The following APBB1IP variants were observed in gnomAD, a reference collection of about 807,000 sequenced individuals.
APBB1IP encodes the protein amyloid beta A4 precursor protein-binding family B member 1-interacting protein.
In APBB1IP, 27 loss-of-function variants were observed where a neutral mutation model predicts 64.9. The observed-to-expected ratio is 0.42, with a 90% CI of 0.31 to 0.57. The LOEUF is 0.57. Ranked by LOEUF, APBB1IP falls within the 20% of genes least tolerant of loss-of-function variation. The pLI is 0.20. For synonymous variants in APBB1IP, 392 were observed against 331.0 expected, an observed-to-expected ratio of 1.18 and a Z score of -2.00; for missense variants, 812 against 845.5, an observed-to-expected ratio of 0.96 and a Z score of 0.49.
chr10:26,495,713 G>C (rs1392809778), intron 3 of APBB1IP, among the ~76,000 whole-genome samples: 1 of 150,916 alleles, frequency 6.6e-6, no homozygotes, highest in African/African-American at 2.4e-5. Flanking sequence ...TTGTGGCCAA[G>C]TGGATGTACT....
rs1206713686 is a variant in APBB1IP at position 26,567,301 on chromosome 10, C to G, written c.1814C>G (p.Pro605Arg). The G allele has an allele frequency of 4.7e-6, 5 of 1,065,188 alleles. No individual in the cohort carries two copies. Among genetic ancestry groups the G allele is most frequent in the South Asian group, 3.9e-5 (1 of 25,356 alleles). 66.0% of individuals were successfully genotyped at this position (1,065,188 alleles called of 1,614,324 possible). ...GAGCTGCCCCCGCCGCCGCCGCCGCCGCCCGCGCCCGCGCCCGCCCCCGTC... is the reference window on the plus strand; with the variant it reads ...GAGCTGCCCCCGCCGCCGCCGCCGCGGCCCGCGCCCGCGCCCGCCCCCGTC... ...GSELPPPPPP[P>R]PAPAPAPVPD... The change falls in exon 15 of 15, where the codon CCG becomes CGG. Residue 605 changes from proline (P) to arginine (R), a missense_variant. Pro to Arg is a moderately radical substitution (Grantham distance 103, BLOSUM62 -2). This residue lies in a region of APBB1IP where 381 missense variants were observed against 352.1 expected (regional missense o/e 1.08). Coordinates refer to ENST00000376236, the MANE Select transcript of APBB1IP (RefSeq NM_019043.4).
chr10:26,557,297 C>A (rs1396617670), intron 11 of APBB1IP, among the ~76,000 whole-genome samples: 1 of 152,186 alleles, frequency 6.6e-6, no homozygotes, highest in Non-Finnish European at 1.5e-5. Context: ...CAGCAACATT[C>A]AGGAGCCTGA....
Position 26,500,981 on chromosome 10 carries a change from C to A in APBB1IP, c.323C>A (p.Ala108Asp). The A allele has an allele frequency of 3.7e-6, 6 of 1,614,166 alleles. No individual in the cohort carries two copies. Among genetic ancestry groups the A allele is most frequent in the South Asian group, 1.1e-5 (1 of 91,078 alleles). The change falls in exon 5 of 15, where the codon GCC becomes GAC. Residue 108 changes from alanine to aspartate, a missense_variant. Ala to Asp is a moderately radical substitution (Grantham distance 126, BLOSUM62 -2). Coordinates refer to ENST00000376236, the MANE Select transcript of APBB1IP (RefSeq NM_019043.4). ...SLQASIFSGA[A>D]SLGYGTNVAA... ...CAAGCATCAATTTTCAGTGGTGCAGCCTCTCTTGGTTATGGAACAAATGTT... is the reference window on the plus strand; with the variant it reads ...CAAGCATCAATTTTCAGTGGTGCAGACTCTCTTGGTTATGGAACAAATGTT...
chr10:26,484,125 T>C (rs1044180896), intron 2 of APBB1IP, among the ~76,000 whole-genome samples: 1 of 152,054 alleles, frequency 6.6e-6, no homozygotes, highest in Non-Finnish European at 1.5e-5. Context: ...GAAAGCAGGG[T>C]TTTGACAGAT....
chr10:26,467,188 G>A (rs1442097049), intron 2 of APBB1IP, among the ~76,000 whole-genome samples: 1 of 152,102 alleles, frequency 6.6e-6, no homozygotes, highest in African/African-American at 2.4e-5. Context: ...TTACAGGCGT[G>A]AGCCACCGTG....
chr10:26,471,182 C>A (rs1229958178), intron 2 of APBB1IP, among the ~76,000 whole-genome samples: 1 of 152,104 alleles, frequency 6.6e-6, no homozygotes, highest in Non-Finnish European at 1.5e-5. Flanking sequence ...TCTGTCCTTG[C>A]CTCTGGACAA....
chr10:26,484,197 C>T (rs781234338), intron 2 of APBB1IP, among the ~76,000 whole-genome samples: 1 of 152,014 alleles, frequency 6.6e-6, no homozygotes, highest in Non-Finnish European at 1.5e-5. Flanking sequence ...TTGCTGCCAC[C>T]GAAAACATCA....
At chr10:26,488,195 C>A (rs1041768529) in intron 2 of APBB1IP, among the ~76,000 whole-genome samples, 3 of 151,958 alleles carry the variant, frequency 2.0e-5, no homozygotes, top group Non-Finnish European at 4.4e-5. Flanking sequence ...ATTTGTGAAA[C>A]CATGGAGATA....
At chr10:26,446,798 T>C (rs1835403234) in intron 2 of APBB1IP, among the ~76,000 whole-genome samples, 1 of 151,980 alleles carries the variant, frequency 6.6e-6, no homozygotes. Flanking sequence ...TGCTTGAGGC[T>C]GCAGTGAACT....
intron 11 of APBB1IP, among the ~76,000 whole-genome samples, chr10:26,544,788 A>G (rs1836740061): frequency 6.6e-6 from 1 of 152,198 alleles, no homozygotes; most frequent in Non-Finnish European, 1.5e-5. Flanking sequence ...TCTGACCTAG[A>G]ACATGAGGTT....
At chr10:26,460,611 T>C (rs1057337601) in intron 2 of APBB1IP, among the ~76,000 whole-genome samples, 5 of 152,292 alleles carry the variant, frequency 3.3e-5, no homozygotes, top group African/African-American at 1.2e-4. Flanking sequence ...CATGGAATAC[T>C]ATGCAGCCAT....
rs1180181037 is a variant in APBB1IP at position 26,501,129 on chromosome 10, G to C, written c.453+18G>C. 3 of 1,614,078 alleles carry C rather than the reference G, an allele frequency of 1.9e-6. No homozygotes were observed. The highest frequency in any genetic ancestry group is 8.5e-7 in the Non-Finnish European group (1 of 1,179,962). On this transcript the variant is annotated intron_variant, in intron 5 of 14. Coordinates refer to ENST00000376236, the MANE Select transcript of APBB1IP (RefSeq NM_019043.4). ...TCTCTCAGGTAAGTATGTGGGACCA[G>C]AGATGGCAGGACCATCAACCTCTGC...
At chr10:26,448,699 T>C (rs75636291) in intron 2 of APBB1IP, among the ~76,000 whole-genome samples, 1,682 of 152,318 alleles carry the variant, frequency 0.011, 12 homozygotes, top group Non-Finnish European at 0.017. Context: ...TGCCCTCTAG[T>C]AACAAAACAA....
chr10:26,440,191 C>T (rs779272596), intron 2 of APBB1IP, among the ~76,000 whole-genome samples: 1 of 152,272 alleles, frequency 6.6e-6, no homozygotes, highest in South Asian at 2.1e-4. Context: ...TATATCTCCC[C>T]CATCTAGATA....
At chr10:26,470,442 G>A (rs1444284634) in intron 2 of APBB1IP, among the ~76,000 whole-genome samples, 1 of 152,160 alleles carries the variant, frequency 6.6e-6, no homozygotes, top group African/African-American at 2.4e-5. Context: ...GGGAGGCTGA[G>A]GCAGGAGAAT....
Position 26,567,382 on chromosome 10 carries a change from A to G in APBB1IP, c.1895A>G (p.Lys632Arg), listed in dbSNP as rs1410537889. 2 of 1,582,084 alleles carry G rather than the reference A, an allele frequency of 1.3e-6. No individual in the cohort carries two copies. The highest frequency in any genetic ancestry group is 1.7e-6 in the Non-Finnish European group (2 of 1,160,718). ...GCCAAGAGGCCTCCTGTGCCCCCCA[A>G]GAGGCAAGAGAACCCAGGGCACCCC... ...AVAKRPPVPP[K>R]RQENPGHPGG... is the part of the protein sequence containing the mutation. Residue 632 changes from lysine (K) to arginine (R), a missense_variant, in exon 15 of 15, where the codon AAG becomes AGG. Around this residue, in one of 3 missense-constraint regions of APBB1IP, gnomAD observed 381 missense variants for 352.1 expected, o/e 1.08. Transcript: ENST00000376236.
intron 11 of APBB1IP, among the ~76,000 whole-genome samples, chr10:26,553,246 C>G (rs1836855217): frequency 6.6e-6 from 1 of 151,912 alleles, no homozygotes; most frequent in South Asian, 2.1e-4. Flanking sequence ...GGTCTCGAAC[C>G]CCTGACCTCA....
chr10:26,567,614 T>A lies in APBB1IP; in HGVS notation c.*126T>A. 6 of 1,437,466 alleles carry A rather than the reference T, an allele frequency of 4.2e-6. No individual in the cohort carries two copies. The highest frequency in any genetic ancestry group is 5.6e-6 in the Non-Finnish European group (6 of 1,078,222). The allele number at this position is 1,437,466 out of a possible 1,614,324, so 89.0% of individuals were successfully genotyped here. A position where few individuals can be genotyped will look rare whatever the true frequency, so the allele number is the denominator to read the frequency against. ...TGTGATGGGAAACTTCTCACTGATG[T>A]GCTCAAGTACAGGCATAACCATTAA... is the stretch of plus-strand genomic sequence containing the variant. On this transcript the variant is annotated 3_prime_UTR_variant, in exon 15 of 15. Transcript: ENST00000376236.
chr10:26,500,580 A>C (rs777258932), intron 4 of APBB1IP, among the ~76,000 whole-genome samples: 1 of 152,264 alleles, frequency 6.6e-6, no homozygotes, highest in Middle Eastern at 3.4e-3. Context: ...ATTTCCCCCA[A>C]TATTTTTTCT....
Sources: gnomAD v4.1 joint callset for allele counts (sites outside exome capture counted in the v4.1 genomes callset) on GRCh38, gnomAD v4.1.1 for gene constraint, gnomAD v4.1.1 regional missense constraint, MANE v1.5 for transcripts, NCBI Gene and HGNC (gene_info 2026-07-23, HGNC 2026-07-21) for gene names.